Variants in MARCHF3 observed in about 807,000 individuals in gnomAD.
MARCHF3 encodes the protein membrane associated ring-CH-type finger 3.
In MARCHF3, 13 loss-of-function variants were observed where a neutral mutation model predicts 24.2. The ratio of observed to expected loss-of-function variants is 0.54; its 90% CI spans 0.35 to 0.85. MARCHF3 has a LOEUF of 0.85. Among genes scored for constraint, MARCHF3 ranks in the 40% least tolerant of loss-of-function variants. The pLI, the probability that MARCHF3 is intolerant of heterozygous loss-of-function variation, is 0.01. For missense variants in MARCHF3, 276 were observed against 325.0 expected (o/e 0.85, Z 1.16); for synonymous variants, 144 against 137.3 (o/e 1.05, Z -0.34).
At chr5:126,902,008 C>T (rs1467691833) in intron 3 of MARCHF3, among the ~76,000 whole-genome samples, 1 of 152,138 alleles carries the variant, frequency 6.6e-6, no homozygotes, top group African/African-American at 2.4e-5. Flanking sequence ...GAAGTGAACT[C>T]CATAGCTGTC....
At chr5:126,942,005 C>A (rs1233803482) in intron 1 of MARCHF3, among the ~76,000 whole-genome samples, 1 of 152,172 alleles carries the variant, frequency 6.6e-6, no homozygotes, top group East Asian at 1.9e-4. Flanking sequence ...TGCATCTTAC[C>A]TAAAATTAAC....
intron 3 of MARCHF3, among the ~76,000 whole-genome samples, chr5:126,897,297 C>T (rs1580614416): frequency 6.6e-6 from 1 of 151,788 alleles, no homozygotes; most frequent in East Asian, 1.9e-4. Flanking sequence ...CCTCAGCCTC[C>T]CAAAGTGCTG....
intron 3 of MARCHF3, among the ~76,000 whole-genome samples, chr5:126,879,881 G>A (rs1029694909): frequency 6.6e-6 from 1 of 152,116 alleles, no homozygotes; most frequent in African/African-American, 2.4e-5. Flanking sequence ...CAACAAACAG[G>A]GACCTAGCAT....
At chr5:127,027,940 G>C (rs1657719639) in intron 1 of MARCHF3, among the ~76,000 whole-genome samples, 1 of 152,070 alleles carries the variant, frequency 6.6e-6, no homozygotes, top group Non-Finnish European at 1.5e-5. Context: ...TGAAACCCTG[G>C]GACTGAAGTC....
At chr5:126,950,604 C>G (rs941916896) in intron 1 of MARCHF3, among the ~76,000 whole-genome samples, 8 of 152,120 alleles carry the variant, frequency 5.3e-5, no homozygotes, top group Non-Finnish European at 1.2e-4. Flanking sequence ...CATTTGTGCA[C>G]TAGATCCCTT....
chr5:126,914,629 GA>G, intron 3 of MARCHF3: 1 of 488,306 alleles, frequency 2.0e-6, no homozygotes, highest in Non-Finnish European at 3.7e-6. Flanking sequence ...CACAGGGATT[GA>G]AAAATGGAGA....
chr5:127,026,853 T>G (rs1753014952), intron 1 of MARCHF3, among the ~76,000 whole-genome samples: 1 of 152,224 alleles, frequency 6.6e-6, no homozygotes, highest in Non-Finnish European at 1.5e-5. Flanking sequence ...TCTGTAAAAG[T>G]TCCAGTGACG....
intron 3 of MARCHF3, among the ~76,000 whole-genome samples, chr5:126,883,196 T>C (rs563656461): frequency 1.7e-4 from 26 of 152,340 alleles, no homozygotes; most frequent in Non-Finnish European, 3.1e-4. Flanking sequence ...CTTCAGCGTA[T>C]ACTTGGTGGT....
At chr5:126,964,614 C>T (rs569877756) in intron 1 of MARCHF3, among the ~76,000 whole-genome samples, 2 of 152,134 alleles carry the variant, frequency 1.3e-5, no homozygotes, top group South Asian at 2.1e-4. Flanking sequence ...TTCTTGTTGT[C>T]CTACTATGGT....
At chr5:126,973,930 G>T (rs961668505) in intron 1 of MARCHF3, among the ~76,000 whole-genome samples, 1 of 125,286 alleles carries the variant, frequency 8.0e-6, no homozygotes, top group South Asian at 2.5e-4. Context: ...TCGCTCTGTC[G>T]CCCAGGCCGG....
chr5:126,897,936 C>T (rs1055284730), intron 3 of MARCHF3, among the ~76,000 whole-genome samples: 7 of 151,900 alleles, frequency 4.6e-5, no homozygotes, highest in African/African-American at 1.7e-4. Flanking sequence ...TGAAGGAAGC[C>T]AATCACAAAG....
intron 1 of MARCHF3, among the ~76,000 whole-genome samples, chr5:127,020,155 G>A (rs73783504): frequency 0.051 from 7,822 of 152,246 alleles, 382 homozygotes; most frequent in South Asian, 0.14. Flanking sequence ...TGAGACATCT[G>A]TTCTTCTCCC....
chr5:126,969,657 T>C (rs989414386), intron 1 of MARCHF3, among the ~76,000 whole-genome samples: 5 of 152,180 alleles, frequency 3.3e-5, no homozygotes, highest in Non-Finnish European at 5.9e-5. Context: ...AAACCATCAG[T>C]TGCTGGTTGA....
At chr5:126,879,748 T>C (rs1753285669) in intron 3 of MARCHF3, among the ~76,000 whole-genome samples, 1 of 152,194 alleles carries the variant, frequency 6.6e-6, no homozygotes, top group South Asian at 2.1e-4. Context: ...GACATTCCCA[T>C]CTCACTGTTC....
chr5:126,944,528 A>T (rs1296369219), intron 1 of MARCHF3, among the ~76,000 whole-genome samples: 1 of 152,222 alleles, frequency 6.6e-6, no homozygotes, highest in Non-Finnish European at 1.5e-5. Context: ...GGCTGCAGTA[A>T]GCCCTGATAT....
At chr5:127,010,206 T>G (rs1360659866) in intron 1 of MARCHF3, among the ~76,000 whole-genome samples, 1 of 152,130 alleles carries the variant, frequency 6.6e-6, no homozygotes, top group Non-Finnish European at 1.5e-5. Context: ...GTAACTACAA[T>G]TAGGTAACCA....
chr5:126,987,070 G>A (rs372472897), intron 1 of MARCHF3, among the ~76,000 whole-genome samples: 1 of 152,200 alleles, frequency 6.6e-6, no homozygotes, highest in African/African-American at 2.4e-5. Context: ...CTGAATTTAA[G>A]TCAATCAGAT....
intron 1 of MARCHF3, among the ~76,000 whole-genome samples, chr5:126,995,817 A>G (rs953332221): frequency 6.6e-6 from 1 of 152,250 alleles, no homozygotes; most frequent in Admixed American, 6.5e-5. Context: ...AGAATGAGAA[A>G]CTCAAACCCA....
chr5:127,000,224 A>G (rs1294988545), intron 1 of MARCHF3, among the ~76,000 whole-genome samples: 1 of 152,032 alleles, frequency 6.6e-6, no homozygotes, highest in Non-Finnish European at 1.5e-5. Flanking sequence ...TGTAGCCTCA[A>G]TAAAAATCTT....
Sources: allele counts gnomAD v4.1 joint callset (sites outside exome capture counted in the v4.1 genomes callset), GRCh38; gene constraint gnomAD v4.1.1; transcripts MANE v1.5; gene names NCBI Gene and HGNC (gene_info 2026-07-23, HGNC 2026-07-21).